Variants in CHP2 observed in about 807,000 individuals in gnomAD.
CHP2 encodes calcineurin like EF-hand protein 2, also known as calcineurin B homologous protein 2.
Under a neutral mutation model 24.7 loss-of-function variants are expected in CHP2, and 31 were observed. The observed-to-expected ratio is 1.26, with a 90% confidence interval of 0.94 to 1.69. The LOEUF (loss-of-function observed/expected upper bound fraction) is 1.69, where lower values mean the gene tolerates loss of function less well. Among genes scored for constraint, CHP2 ranks in the 40% most tolerant of loss-of-function variants. The pLI is 0.00. For synonymous variants in CHP2, 97 were observed against 99.1 expected (o/e 0.98, Z 0.13); for missense variants, 319 against 261.5 (o/e 1.22, Z -1.52).
At position 23,755,658 on chromosome 16, in the gene CHP2, C is replaced by A; in HGVS notation, c.68-3C>A. 2 of 1,613,842 alleles carry A rather than the reference C, an allele frequency of 1.2e-6. No individual in the cohort carries two copies. The highest frequency in any genetic ancestry group is 1.7e-6 in the Non-Finnish European group (2 of 1,179,890). ...CACCCCCACCCCACTCTCCTTCCCG[C>A]AGTCTCCCAAGCCAGCCTGCTCCGC... On this transcript the variant is annotated splice_region_variant and splice_polypyrimidine_tract_variant and intron_variant, in intron 1 of 6. Coordinates refer to ENST00000300113, the MANE Select transcript of CHP2 (RefSeq NM_022097.4).
Position 23,756,194 on chromosome 16 carries a change from G to C in CHP2, c.352+1G>C. On this transcript the variant is annotated splice_donor_variant, in intron 4 of 6. Coordinates refer to ENST00000300113, the MANE Select transcript of CHP2 (RefSeq NM_022097.4). LOFTEE classifies it high-confidence loss of function. ...AACAGCAGAAGGAACAAACTTCACT[G>C]TGAGTTTGTGAGGACCTGCACAAGT... 1 of 1,613,822 alleles carries C rather than the reference G, an allele frequency of 6.2e-7. No individual in the cohort carries two copies. The highest frequency in any genetic ancestry group is 8.5e-7 in the Non-Finnish European group (1 of 1,180,016).
chr16:23,758,503 C>G lies in CHP2; in HGVS notation c.*920C>G, dbSNP rs770777226. On this transcript the variant is annotated 3_prime_UTR_variant, in exon 7 of 7. Coordinates refer to ENST00000300113, the MANE Select transcript of CHP2 (RefSeq NM_022097.4). The stretch of plus-strand genomic sequence containing the variant: ...CTTTCCTAGTGATGGAGATGACCAC[C>G]ATCAGCTCCAGGCTTCTATCCTGCT... 6.6e-6 allele frequency: 1 copy of G among 152,172 alleles called. No individual in the cohort carries two copies. Among genetic ancestry groups the G allele is most frequent in the Admixed American group, 6.5e-5 (1 of 15,276 alleles). The allele number at this position is 152,172 out of a possible 1,614,324, so 9.4% of individuals were successfully genotyped here. A position where few individuals can be genotyped will look rare whatever the true frequency, so the allele number is the denominator to read the frequency against.
rs754339372 is a variant in CHP2 at position 23,756,251 on chromosome 16, G to C, written c.352+58G>C. On this transcript the variant is annotated intron_variant, in intron 4 of 6. Coordinates refer to ENST00000300113, the MANE Select transcript of CHP2 (RefSeq NM_022097.4). ...GCAGATGTACCCACACCAGGGACAG[G>C]CTCCAGGGATCTCCCACTCCCTTCC... The C allele has an allele frequency of 2.5e-6, 4 of 1,605,574 alleles. No homozygotes were observed. In the African/African-American group the frequency reaches 4.0e-5, roughly 16 times the overall value.
At position 23,755,881 on chromosome 16, in the gene CHP2, G is replaced by A. The variant is rs149102650; in HGVS notation, c.175G>A (p.Val59Met). Residue 59 changes from valine (V) to methionine (M), a missense_variant, in exon 3 of 7, where the codon GTG becomes ATG. Val to Met is a conservative substitution (Grantham distance 21, BLOSUM62 1). Coordinates refer to ENST00000300113, the MANE Select transcript of CHP2 (RefSeq NM_022097.4). ...TCTCCAGCAGATAGGGGCGCTCGCCGTGAACCCCCTGGGAGACCGAATTAT... is the reference window on the plus strand; with the variant it reads ...TCTCCAGCAGATAGGGGCGCTCGCCATGAACCCCCTGGGAGACCGAATTAT... Reference protein sequence around the residue: ...MDLQQIGALAVNPLGDRIIES... With the variant: ...MDLQQIGALAMNPLGDRIIES... 1,172 of 1,614,210 alleles carry A rather than the reference G, an allele frequency of 7.3e-4. 2 individuals are homozygous for A. The highest frequency in any genetic ancestry group is 3.5e-3 in the Admixed American group (211 of 60,028).
Position 23,756,415 on chromosome 16 carries a change from G to A in CHP2, c.380G>A (p.Arg127His), listed in dbSNP as rs35641939. Residue 127 changes from arginine to histidine, a missense_variant, in exon 5 of 7, where the codon CGC (arginine) becomes CAC (histidine). Arg to His is a conservative substitution (Grantham distance 29). Transcript: ENST00000300113. ...HYAFQLYDLDRDGKISRHEML... is the reference protein window; with the variant it reads ...HYAFQLYDLDHDGKISRHEML... The stretch of plus-strand genomic sequence containing the variant: ...GCATTTCAGCTCTATGACCTGGATC[G>A]CGATGGGAAGATCTCCAGGCATGAG... 9.4e-5 allele frequency: 152 copies of A among 1,613,784 alleles called. No homozygotes were observed. Among genetic ancestry groups the A allele is most frequent in the Middle Eastern group, 3.3e-4 (2 of 6,084 alleles).
chr16:23,757,170 C>T lies in CHP2; in HGVS notation c.415-31C>T, dbSNP rs201811035. ...GGGAGTTGCAGCCTTCGTGCCCCCT[C>T]CTTATGGCTGCCTCTTCACTCATCT... is the stretch of plus-strand genomic sequence containing the variant. On this transcript the variant is annotated intron_variant, in intron 5 of 6. Transcript: ENST00000300113. 3.1e-6 allele frequency: 5 copies of T among 1,613,838 alleles called. No homozygotes were observed. The Admixed American group carries it at 8.3e-5, about 27-fold the overall frequency.
Position 23,757,812 on chromosome 16 carries a change from G to A in CHP2, c.*229G>A, listed in dbSNP as rs1249344493. The stretch of plus-strand genomic sequence containing the variant: ...TTCCACGGATGGGTGACAGGGGATG[G>A]TTTTGGGATGATTCAAGTGCATTAC... On this transcript the variant is annotated 3_prime_UTR_variant, in exon 7 of 7. Transcript: ENST00000300113. 3.4e-6 allele frequency: 2 copies of A among 587,190 alleles called. No individual in the cohort carries two copies. The highest frequency in any genetic ancestry group is 2.8e-5 in the Admixed American group (1 of 35,974). 36.4% of individuals were successfully genotyped at this position (587,190 alleles called of 1,614,324 possible). A position where few individuals can be genotyped will look rare whatever the true frequency, so the allele number is the denominator to read the frequency against.
In CHP2 at chr16:23,755,893, G is replaced by A. The variant is rs1340171732; in HGVS notation, c.187G>A (p.Gly63Arg). 6.2e-7 allele frequency: 1 copy of A among 1,614,074 alleles called. No individual in the cohort carries two copies. The highest frequency in any genetic ancestry group is 8.5e-7 in the Non-Finnish European group (1 of 1,180,042). The part of the protein sequence containing the change: ...QIGALAVNPL[G>R]DRIIESFFPD... ...AGGGGCGCTCGCCGTGAACCCCCTG[G>A]GAGACCGAATTATAGAAAGCTTCTT... Residue 63 changes from glycine (G) to arginine (R), a missense_variant, in exon 3 of 7, where the codon GGA (glycine) becomes AGA (arginine). By Grantham distance (125) the Gly-to-Arg change is moderately radical. Coordinates refer to ENST00000300113, the MANE Select transcript of CHP2 (RefSeq NM_022097.4).
chr16:23,757,678 CTG>C lies in CHP2; in HGVS notation c.*97_*98del. 2 of 1,109,018 alleles carry C rather than the reference CTG, an allele frequency of 1.8e-6. No homozygotes were observed. Among genetic ancestry groups the C allele is most frequent in the South Asian group, 2.5e-5 (2 of 80,800 alleles). The allele number at this position is 1,109,018 out of a possible 1,614,324, so 68.7% of individuals were successfully genotyped here. A position where few individuals can be genotyped will look rare whatever the true frequency, so the allele number is the denominator to read the frequency against. ...CGCATGGACGCAGGGCGACAATAAA[CTG>C]TATTTTCGTTTCTAACTCTATTTAG... is the stretch of plus-strand genomic sequence containing the variant. On this transcript the variant is annotated 3_prime_UTR_variant, in exon 7 of 7. Transcript: ENST00000300113.
Position 23,756,073 on chromosome 16 carries a change from G to A in CHP2, c.232G>A (p.Val78Met), listed in dbSNP as rs763556470. 4 of 1,614,130 alleles carry A rather than the reference G, an allele frequency of 2.5e-6. No homozygotes were observed. The East Asian group carries it at 8.9e-5, about 36-fold the overall frequency. The change falls in exon 4 of 7, where the codon GTG (valine) becomes ATG (methionine). Residue 78 changes from valine (V) to methionine (M), a missense_variant. Val to Met is a conservative substitution (Grantham distance 21, BLOSUM62 1). Transcript: ENST00000300113. ...ESFFPDGSQRVDFPGFVRVLA... is the reference protein window; with the variant it reads ...ESFFPDGSQRMDFPGFVRVLA... The stretch of plus-strand genomic sequence containing the variant: ...GTCCCGTCTCCCCAGGAGCCAGCGA[G>A]TGGATTTCCCAGGCTTTGTCAGGGT...
intron 3 of CHP2, 59 bp from the exon 4 acceptor site, chr16:23,756,004 G>A (rs1961218895): frequency 1.9e-6 from 3 of 1,613,770 alleles, no homozygotes; most frequent in Non-Finnish European, 2.5e-6. Context: ...GTTAGAGACG[G>A]AGGCAAAGTG....
At chr16:23,756,696 T>C (rs978360279) in intron 5 of CHP2, among the ~76,000 whole-genome samples, 2 of 152,042 alleles carry the variant, frequency 1.3e-5, no homozygotes, top group African/African-American at 4.8e-5. Context: ...CCTGAGTGAA[T>C]ATCTGGCAAT....
chr16:23,758,153 G>C lies in CHP2; in HGVS notation c.*570G>C. The stretch of plus-strand genomic sequence containing the variant: ...GCAATGGGGAGTGGCTGTAAATATA[G>C]ATGAAGCTTCAGCTCGCCTGCCGCT... On this transcript the variant is annotated 3_prime_UTR_variant, in exon 7 of 7. Transcript: ENST00000300113. 6.0e-6 allele frequency: 1 copy of C among 166,228 alleles called. No individual in the cohort carries two copies. Among genetic ancestry groups the C allele is most frequent in the Non-Finnish European group, 1.3e-5 (1 of 76,208 alleles). The allele number at this position is 166,228 out of a possible 1,614,324, so 10.3% of individuals were successfully genotyped here.
In CHP2 at chr16:23,755,681, C is replaced by G. The variant is rs746497678; in HGVS notation, c.88C>G (p.Arg30Gly). 6.2e-7 allele frequency: 1 copy of G among 1,614,068 alleles called. No individual in the cohort carries two copies. Among genetic ancestry groups the G allele is most frequent in the Non-Finnish European group, 8.5e-7 (1 of 1,180,014 alleles). Residue 30 changes from arginine (R) to glycine (G), a missense_variant, in exon 2 of 7, where the codon CGC (arginine) becomes GGC (glycine). Transcript: ENST00000300113. ...CGCAGTCTCCCAAGCCAGCCTGCTC[C>G]GCCTGCACCACCGGTTCCGGGCACT... ...ETGFSQASLL[R>G]LHHRFRALDR...
chr16:23,755,623 C>G, intron 1 of CHP2, 38 bp from the exon 2 acceptor site: 1 of 1,587,972 alleles, frequency 6.3e-7, no homozygotes, highest in Non-Finnish European at 8.6e-7. Flanking sequence ...GCTGGCCCTG[C>G]AGAGTCACAC....
chr16:23,755,539 G>T, intron 1 of CHP2, 122 bp from the exon 2 acceptor site: 1 of 829,990 alleles, frequency 1.2e-6, no homozygotes, highest in Non-Finnish European at 2.0e-6. Context: ...CTGATTCCCC[G>T]GGATGATCGC....
At position 23,756,116 on chromosome 16, in the gene CHP2, C is replaced by T. The variant is rs766213920; in HGVS notation, c.275C>T (p.Pro92Leu). 12 of 1,614,030 alleles carry T rather than the reference C, an allele frequency of 7.4e-6. No individual in the cohort carries two copies. The East Asian group carries it at 2.0e-4, about 27-fold the overall frequency. Residue 92 changes from proline (P) to leucine (L), a missense_variant, in exon 4 of 7, where the codon CCT (proline) becomes CTT (leucine). Coordinates refer to ENST00000300113, the MANE Select transcript of CHP2 (RefSeq NM_022097.4). ...GFVRVLAHFR[P>L]VEDEDTETQD... The stretch of plus-strand genomic sequence containing the variant: ...GTCAGGGTCTTGGCTCATTTTCGCC[C>T]TGTAGAAGATGAGGACACAGAAACC...
At chr16:23,756,806 A>G (rs1393737594) in intron 5 of CHP2, among the ~76,000 whole-genome samples, 1 of 152,138 alleles carries the variant, frequency 6.6e-6, no homozygotes, top group Non-Finnish European at 1.5e-5. Context: ...TGCAATACCC[A>G]GGAGAGCCTC....
In CHP2 at chr16:23,757,575, C is replaced by T. The variant is rs780991203; in HGVS notation, c.583C>T (p.Leu195=). The T allele has an allele frequency of 1.2e-6, 2 of 1,613,920 alleles. No individual in the cohort carries two copies. The highest frequency in any genetic ancestry group is 1.7e-6 in the Non-Finnish European group (2 of 1,179,970). The change falls in exon 7 of 7, where the codon CTG becomes TTG. Residue 195 remains leucine, a synonymous_variant. Coordinates refer to ENST00000300113, the MANE Select transcript of CHP2 (RefSeq NM_022097.4). ...TGAGCAAAAAATGAGCATCCGGATCCTGAAGTGACTCCGTTTGTGCCTTGG... is the reference window on the plus strand; with the variant it reads ...TGAGCAAAAAATGAGCATCCGGATCTTGAAGTGACTCCGTTTGTGCCTTGG... ...DVEQKMSIRI[L]K
Sources: allele counts gnomAD v4.1 joint callset (sites outside exome capture counted in the v4.1 genomes callset), GRCh38; gene constraint gnomAD v4.1.1; transcripts MANE v1.5; gene names NCBI Gene and HGNC (gene_info 2026-07-23, HGNC 2026-07-21).